ASTN1: variants seen among roughly 807,000 people sequenced by gnomAD.
ASTN1 encodes astrotactin-1.
A neutral mutation model predicts 140.7 loss-of-function variants in ASTN1; 41 were observed. That is an observed-to-expected ratio of 0.29 (90% CI 0.23 to 0.38). The LOEUF is 0.38. Ranked by LOEUF, ASTN1 falls within the 10% of genes least tolerant of loss-of-function variation. The pLI is 1.00. For synonymous variants in ASTN1, 640 were observed against 652.2 expected (o/e 0.98, Z 0.29); for missense variants, 1,479 against 1,678.8 (o/e 0.88, Z 2.08).
intron 1 of ASTN1, among the ~76,000 whole-genome samples, chr1:177,089,546 C>T (rs184581495): frequency 6.6e-6 from 1 of 152,254 alleles, no homozygotes; most frequent in Non-Finnish European, 1.5e-5. Context: ...AACTAGAAAC[C>T]TTATGCCAGC....
intron 14 of ASTN1, 27 bp downstream of exon 14, chr1:176,943,864 T>C: frequency 6.4e-7 from 1 of 1,552,582 alleles, no homozygotes; most frequent in East Asian, 2.3e-5. Context: ...TTGTGCCAGT[T>C]GAATAAGGTT....
chr1:176,869,165 T>C (rs1191171858), intron 21 of ASTN1, 138 bp from the exon 22 acceptor site: 13 of 511,642 alleles, frequency 2.5e-5, no homozygotes, highest in Non-Finnish European at 3.4e-5. Context: ...GTATATATAA[T>C]ATGCATATAT....
chr1:176,866,478 A>G (rs1668130129), intron 22 of ASTN1, among the ~76,000 whole-genome samples: 1 of 152,138 alleles, frequency 6.6e-6, no homozygotes, highest in African/African-American at 2.4e-5. Flanking sequence ...GTCCTACTGT[A>G]TGCCATTAGT....
intron 16 of ASTN1, among the ~76,000 whole-genome samples, chr1:176,895,879 C>T (rs1487222266): frequency 3.3e-5 from 5 of 152,092 alleles, no homozygotes; most frequent in Non-Finnish European, 7.4e-5. Context: ...CAGTTGTAGT[C>T]CTGAATGTGA....
At chr1:177,072,864 T>C (rs1678711149) in intron 1 of ASTN1, among the ~76,000 whole-genome samples, 1 of 152,190 alleles carries the variant, frequency 6.6e-6, no homozygotes, top group South Asian at 2.1e-4. Context: ...TGAATGTCTG[T>C]GTTCATATTC....
At chr1:176,961,629 G>A (rs1672668855) in intron 9 of ASTN1, among the ~76,000 whole-genome samples, 1 of 152,224 alleles carries the variant, frequency 6.6e-6, no homozygotes, top group South Asian at 2.1e-4. Flanking sequence ...ATGGATCCCA[G>A]CAGCTTTCTA....
intron 8 of ASTN1, among the ~76,000 whole-genome samples, chr1:176,995,662 G>A (rs148641634): frequency 0.013 from 1,913 of 152,256 alleles, 17 homozygotes; most frequent in Admixed American, 0.025. Flanking sequence ...AGCACTTGTA[G>A]TTCACCTTAG....
intron 2 of ASTN1, among the ~76,000 whole-genome samples, chr1:177,050,016 A>G (rs961057805): frequency 6.6e-6 from 1 of 152,222 alleles, no homozygotes; most frequent in Non-Finnish European, 1.5e-5. Flanking sequence ...ATGCTTTAAC[A>G]TCATAGTTGG....
chr1:176,970,290 A>T (rs1021502843), intron 8 of ASTN1, among the ~76,000 whole-genome samples: 1 of 151,566 alleles, frequency 6.6e-6, no homozygotes, highest in Admixed American at 6.6e-5. Context: ...CATTTCTTTC[A>T]CTCTGTAACC....
At chr1:177,124,116 C>T (rs1558112683) in intron 1 of ASTN1, among the ~76,000 whole-genome samples, 1 of 152,116 alleles carries the variant, frequency 6.6e-6, no homozygotes, top group African/African-American at 2.4e-5. Context: ...TACCACATTT[C>T]TCTTTCTAAG....
At chr1:177,121,822 A>T (rs148286902) in intron 1 of ASTN1, among the ~76,000 whole-genome samples, 1,805 of 152,228 alleles carry the variant, frequency 0.012, 20 homozygotes, top group Middle Eastern at 0.024. Flanking sequence ...CCTAGATGTG[A>T]TCAGGGAGGT....
At chr1:177,004,572 T>C (rs1674903614) in intron 8 of ASTN1, among the ~76,000 whole-genome samples, 1 of 152,114 alleles carries the variant, frequency 6.6e-6, no homozygotes, top group Non-Finnish European at 1.5e-5. Flanking sequence ...TTACCTGATC[T>C]CAAATTATAC....
intron 9 of ASTN1, among the ~76,000 whole-genome samples, chr1:176,962,925 T>C (rs1408428183): frequency 1.3e-5 from 2 of 152,210 alleles, no homozygotes; most frequent in Non-Finnish European, 1.5e-5. Flanking sequence ...TCTGAAACAG[T>C]ACCTTGAAAT....
chr1:176,922,371 C>T (rs1670764572), intron 16 of ASTN1, among the ~76,000 whole-genome samples: 1 of 151,866 alleles, frequency 6.6e-6, no homozygotes, highest in Non-Finnish European at 1.5e-5. Context: ...TTATTTTTCC[C>T]ACCTCTGGAG....
chr1:176,974,387 A>ATT (rs766484411), intron 8 of ASTN1, among the ~76,000 whole-genome samples: 3 of 143,970 alleles, frequency 2.1e-5, no homozygotes, highest in East Asian at 2.0e-4. Context: ...GTTGAAAAGA[A>ATT]TTTTTTTTTT....
intron 8 of ASTN1, among the ~76,000 whole-genome samples, chr1:176,990,407 G>A (rs1458473972): frequency 6.6e-6 from 1 of 152,082 alleles, no homozygotes; most frequent in African/African-American, 2.4e-5. Context: ...AGGAAGAAGT[G>A]CAATGGCCTG....
Position 176,882,926 on chromosome 1 carries a change from C to A in ASTN1, c.3295G>T (p.Val1099Leu). The change falls in exon 20 of 23, where the codon GTG becomes TTG. Residue 1099 changes from valine (V) to leucine (L), a missense_variant. Val to Leu is a conservative substitution (Grantham distance 32, BLOSUM62 1). Around this residue, in one of 3 missense-constraint regions of ASTN1, gnomAD observed 746 missense variants for 800.9 expected, o/e 0.93. Coordinates refer to ENST00000361833, the MANE Select transcript of ASTN1 (RefSeq NM_004319.3). ...ATGGTGGTGAGCTGCTTGTCCGGCA[C>A]CTGAGATGGCATTGCACAAGGAGAC... ...AKSPCAMPSQ[V>L]PDKQLTTISL... 1 of 1,614,058 alleles carries A rather than the reference C, an allele frequency of 6.2e-7. No homozygotes were observed. The highest frequency in any genetic ancestry group is 1.1e-5 in the South Asian group (1 of 91,074).
chr1:176,885,322 T>C (rs540707293), intron 18 of ASTN1, among the ~76,000 whole-genome samples: 1 of 152,210 alleles, frequency 6.6e-6, no homozygotes, highest in South Asian at 2.1e-4. Flanking sequence ...CATACCTCTC[T>C]GTACCTCGCA....
At chr1:176,947,925 A>G (rs1186085760) in intron 12 of ASTN1, among the ~76,000 whole-genome samples, 3 of 152,212 alleles carry the variant, frequency 2.0e-5, no homozygotes, top group Non-Finnish European at 4.4e-5. Context: ...CTTTGGCTGA[A>G]TTGACCTCTA....
Sources: gnomAD v4.1 joint callset for allele counts (sites outside exome capture counted in the v4.1 genomes callset) on GRCh38, gnomAD v4.1.1 for gene constraint, gnomAD v4.1.1 regional missense constraint, MANE v1.5 for transcripts, NCBI Gene and HGNC (gene_info 2026-07-23, HGNC 2026-07-21) for gene names.